WWC2: variants seen among roughly 807,000 people sequenced by gnomAD.
WWC2 encodes the protein WW and C2 domain containing 2, also known as protein WWC2.
In WWC2, 101 loss-of-function variants were observed where a neutral mutation model predicts 138.5. That is an observed-to-expected ratio of 0.73 (90% confidence interval 0.62 to 0.86). The LOEUF is 0.86. Ranked by LOEUF, WWC2 falls within the 40% of genes least tolerant of loss-of-function variation. The pLI, the probability that WWC2 is intolerant of heterozygous loss-of-function variation, is 0.00. For missense variants in WWC2, 1,420 were observed against 1,419.4 expected, an observed-to-expected ratio of 1.00 and a Z score of -0.01; for synonymous variants, 558 against 538.4, an observed-to-expected ratio of 1.04 and a Z score of -0.50.
At chr4:183,175,258 A>AT (rs1313822666) in intron 1 of WWC2, among the ~76,000 whole-genome samples, 2 of 151,860 alleles carry the variant, frequency 1.3e-5, no homozygotes, top group African/African-American at 4.8e-5. Context: ...TTATTTATTT[A>AT]TTTTTTTGTT....
rs1429497053 is a variant in WWC2 at position 183,099,496 on chromosome 4, C to G, written c.5C>G (p.Pro2Arg). The G allele has an allele frequency of 7.4e-7, 1 of 1,352,744 alleles. No homozygotes were observed. The highest frequency in any genetic ancestry group is 9.6e-7 in the Non-Finnish European group (1 of 1,037,522). The allele number at this position is 1,352,744 out of a possible 1,614,324, so 83.8% of individuals were successfully genotyped here. ...TCGCCGGCGAGGCCGCCGACCATGC[C>G]TAGGAGGGCCGGGAGCGGTCAGCTG... M[P>R]RRAGSGQLPL... The change falls in exon 1 of 23, where the codon CCT (proline) becomes CGT (arginine). Residue 2 changes from proline to arginine, a missense_variant. Pro to Arg is a moderately radical substitution (Grantham distance 103, BLOSUM62 -2). Coordinates refer to ENST00000403733, the MANE Select transcript of WWC2 (RefSeq NM_024949.6).
chr4:183,230,171 A>T (rs1195116739), intron 4 of WWC2, among the ~76,000 whole-genome samples: 10 of 152,074 alleles, frequency 6.6e-5, no homozygotes, highest in Non-Finnish European at 8.8e-5. Flanking sequence ...TACGGTACCT[A>T]GGCTGGACCT....
chr4:183,163,283 C>T (rs1734012872), intron 1 of WWC2, among the ~76,000 whole-genome samples: 1 of 152,196 alleles, frequency 6.6e-6, no homozygotes, highest in Non-Finnish European at 1.5e-5. Flanking sequence ...GTCCACACCC[C>T]ACACTGCCAG....
intron 1 of WWC2, among the ~76,000 whole-genome samples, chr4:183,108,488 A>G (rs1310828655): frequency 1.3e-5 from 2 of 152,208 alleles, no homozygotes; most frequent in Non-Finnish European, 2.9e-5. Context: ...CCTCACAGCC[A>G]TGAGGAGCGT....
At chr4:183,115,967 T>C (rs1468282566) in intron 1 of WWC2, among the ~76,000 whole-genome samples, 1 of 152,140 alleles carries the variant, frequency 6.6e-6, no homozygotes, top group African/African-American at 2.4e-5. Context: ...GTTTTTATAG[T>C]TTTAGGTTTT....
chr4:183,159,144 T>C (rs1316496231), intron 1 of WWC2, among the ~76,000 whole-genome samples: 2 of 152,216 alleles, frequency 1.3e-5, no homozygotes, highest in Non-Finnish European at 2.9e-5. Flanking sequence ...TCAATCACAT[T>C]TGAACACCAA....
chr4:183,287,954 G>C (rs538047849), intron 20 of WWC2, among the ~76,000 whole-genome samples: 2 of 152,216 alleles, frequency 1.3e-5, no homozygotes, highest in Admixed American at 1.3e-4. Context: ...CTCCCAGAGA[G>C]AGCCAGTTAT....
intron 22 of WWC2, among the ~76,000 whole-genome samples, 176 bp from the exon 23 acceptor site, chr4:183,315,487 C>G (rs188197068): frequency 1.4e-3 from 201 of 145,766 alleles, no homozygotes; most frequent in African/African-American, 2.8e-3. Flanking sequence ...TGATACCCCC[C>G]CTTTAAGCAG....
intron 5 of WWC2, among the ~76,000 whole-genome samples, chr4:183,244,214 G>T (rs1405044600): frequency 6.6e-6 from 1 of 152,126 alleles, no homozygotes; most frequent in Admixed American, 6.6e-5. Flanking sequence ...AGGAGAACTC[G>T]TGCAGTATTC....
chr4:183,281,240 T>C, intron 17 of WWC2: 1 of 343,728 alleles, frequency 2.9e-6, no homozygotes. Flanking sequence ...ACTCTATTTT[T>C]CTTTTAACTA....
chr4:183,185,677 C>T (rs532026784), intron 1 of WWC2, among the ~76,000 whole-genome samples: 96 of 152,162 alleles, frequency 6.3e-4, no homozygotes, highest in Non-Finnish European at 1.2e-3. Flanking sequence ...AAGGGCTATG[C>T]GGCAGAGCTT....
intron 1 of WWC2, among the ~76,000 whole-genome samples, chr4:183,128,373 G>A (rs1477641523): frequency 6.6e-6 from 1 of 152,028 alleles, no homozygotes; most frequent in Non-Finnish European, 1.5e-5. Flanking sequence ...AATTAGCCAG[G>A]TGTGGTGGCA....
chr4:183,171,246 T>G (rs935861294), intron 1 of WWC2, among the ~76,000 whole-genome samples: 1 of 152,206 alleles, frequency 6.6e-6, no homozygotes, highest in Admixed American at 6.5e-5. Context: ...AACATTTATG[T>G]TGTGCTTTAA....
At chr4:183,106,106 C>G (rs1743348124) in intron 1 of WWC2, among the ~76,000 whole-genome samples, 1 of 151,898 alleles carries the variant, frequency 6.6e-6, no homozygotes, top group African/African-American at 2.4e-5. Flanking sequence ...GCCTCAGCCT[C>G]CCGAGTAGCT....
chr4:183,284,004 A>G (rs1019669401), intron 18 of WWC2, among the ~76,000 whole-genome samples: 10 of 152,170 alleles, frequency 6.6e-5, no homozygotes, highest in African/African-American at 2.4e-4. Context: ...ACTTCCTAAG[A>G]ACTTAGTACA....
chr4:183,276,228 T>C (rs993470371), intron 16 of WWC2, among the ~76,000 whole-genome samples: 1 of 152,106 alleles, frequency 6.6e-6, no homozygotes, highest in Non-Finnish European at 1.5e-5. Flanking sequence ...GTATTCTACT[T>C]ATAAGCAGTA....
At chr4:183,221,498 C>T (rs1237892925) in intron 4 of WWC2, among the ~76,000 whole-genome samples, 1 of 152,164 alleles carries the variant, frequency 6.6e-6, no homozygotes, top group Non-Finnish European at 1.5e-5. Context: ...GTAATCCTTA[C>T]TCTAGAATAT....
chr4:183,265,940 T>G lies in WWC2; in HGVS notation c.2196T>G (p.His732Gln). 1.2e-6 allele frequency: 2 copies of G among 1,612,048 alleles called. No homozygotes were observed. The highest frequency in any genetic ancestry group is 1.7e-6 in the Non-Finnish European group (2 of 1,179,020). ...LRNLHAFLIP[H>Q]TSKVYFRVAV... is the part of the protein sequence containing the mutation. Reference sequence around the variant, plus strand: ...ACCTTCATGCCTTCTTGATACCTCATACTTCAAAAGTGTAAGTAAAATCAG... The same window carrying G: ...ACCTTCATGCCTTCTTGATACCTCAGACTTCAAAAGTGTAAGTAAAATCAG... The change falls in exon 14 of 23, where the codon CAT becomes CAG. Residue 732 changes from histidine to glutamine, a missense_variant. His to Gln is a conservative substitution (Grantham distance 24). Coordinates refer to ENST00000403733, the MANE Select transcript of WWC2 (RefSeq NM_024949.6).
chr4:183,224,029 G>A (rs1477996616), intron 4 of WWC2, among the ~76,000 whole-genome samples: 2 of 152,198 alleles, frequency 1.3e-5, no homozygotes, highest in African/African-American at 2.4e-5. Context: ...ACCGCACCCA[G>A]CTGAAGTCTA....
Sources: allele counts gnomAD v4.1 joint callset (sites outside exome capture counted in the v4.1 genomes callset), GRCh38; gene constraint gnomAD v4.1.1; transcripts MANE v1.5; gene names NCBI Gene and HGNC (gene_info 2026-07-23, HGNC 2026-07-21).